Variants in CDKL3 observed in about 807,000 individuals in gnomAD.
The protein encoded by CDKL3 is cyclin-dependent kinase-like 3.
Under a neutral mutation model 69.3 loss-of-function variants are expected in CDKL3, and 65 were observed. The observed-to-expected ratio is 0.94, with a 90% CI of 0.77 to 1.15. CDKL3 has a LOEUF of 1.15. CDKL3 is among the 50% of genes most tolerant of loss of function. The pLI is 0.00. For synonymous variants in CDKL3, 202 were observed against 221.6 expected, an observed-to-expected ratio of 0.91 and a Z score of 0.79; for missense variants, 652 against 689.2, an observed-to-expected ratio of 0.95 and a Z score of 0.61.
In CDKL3 at chr5:134,366,497, T is replaced by A; in HGVS notation, c.27A>T (p.Lys9Asn). 1 of 1,607,038 alleles carries A rather than the reference T, an allele frequency of 6.2e-7. No homozygotes were observed. The highest frequency in any genetic ancestry group is 8.5e-7 in the Non-Finnish European group (1 of 1,176,838). MEMYETLG[K>N]VGEGSYGTVM... ...CTGTTCCGTAACTTCCCTCTCCCAC[T>A]TTTCCAAGGGTTTCATACATCTCCA... The change falls in exon 2 of 13, where the codon AAA (lysine) becomes AAT (asparagine). Residue 9 changes from lysine to asparagine, a missense_variant. Transcript: ENST00000265334.
chr5:134,283,486 C>T (rs975367090), downstream of CDKL3, among the ~76,000 whole-genome samples: 1 of 152,038 alleles, frequency 6.6e-6, no homozygotes, highest in Non-Finnish European at 1.5e-5. Flanking sequence ...AGGATAACGC[C>T]CCCTTGTAAT....
intron 4 of CDKL3, among the ~76,000 whole-genome samples, chr5:134,330,044 T>G (rs920940540): frequency 2.6e-5 from 4 of 151,324 alleles, no homozygotes; most frequent in African/African-American, 9.7e-5. Flanking sequence ...ATAATGATAC[T>G]CTAAGAAAAA....
At chr5:134,284,962 G>T (rs949962500), downstream of CDKL3, among the ~76,000 whole-genome samples, 8 of 152,158 alleles carry the variant, frequency 5.3e-5, no homozygotes, top group African/African-American at 1.4e-4. Flanking sequence ...AAGTCCCGAG[G>T]CGACATACAT....
At position 134,312,296 on chromosome 5, in the gene CDKL3, C is replaced by A; in HGVS notation, c.877G>T (p.Glu293Ter). ...ACATTCACTCAAAATGCTTACTTTTCAATAAATCCATCTCTAGTAAAATAC... is the reference window on the plus strand; with the variant it reads ...ACATTCACTCAAAATGCTTACTTTTAAATAAATCCATCTCTAGTAAAATAC... Reference protein sequence around the residue: ...HEYFTRDGFIEKFMPELKAKL... With the variant: ...HEYFTRDGFI The change falls in exon 7 of 13, where the codon GAA becomes TAA. Residue 293 changes from glutamate to a stop codon, truncating the protein, a stop_gained. Transcript: ENST00000265334. LOFTEE classifies it high-confidence loss of function. 6.4e-7 allele frequency: 1 copy of A among 1,566,068 alleles called. No individual in the cohort carries two copies. The highest frequency in any genetic ancestry group is 1.2e-5 in the South Asian group (1 of 84,752).
intron 6 of CDKL3, among the ~76,000 whole-genome samples, chr5:134,315,330 G>A (rs562098602): frequency 6.6e-6 from 1 of 152,070 alleles, no homozygotes; most frequent in African/African-American, 2.4e-5. Context: ...AATAGGTTAA[G>A]GATTATTTTT....
At chr5:134,295,750 A>G (rs1006303331), downstream of CDKL3, among the ~76,000 whole-genome samples, 1 of 152,114 alleles carries the variant, frequency 6.6e-6, no homozygotes, top group African/African-American at 2.4e-5. Flanking sequence ...CAGTTAATCC[A>G]ATTTTATTAT....
intron 6 of CDKL3, among the ~76,000 whole-genome samples, chr5:134,314,783 T>G (rs1439685930): frequency 3.3e-5 from 5 of 152,082 alleles, no homozygotes; most frequent in African/African-American, 9.7e-5. Flanking sequence ...AGCAAATCAG[T>G]GGTTATCTGG....
chr5:134,329,533 G>A (rs1775247410), intron 4 of CDKL3, among the ~76,000 whole-genome samples: 1 of 151,252 alleles, frequency 6.6e-6, no homozygotes, highest in African/African-American at 2.4e-5. Flanking sequence ...GAATGCAGTG[G>A]AGTGCAGCTC....
Position 134,366,410 on chromosome 5 carries a change from T to C in CDKL3, c.114A>G (p.Arg38=). The C allele has an allele frequency of 6.2e-7, 1 of 1,600,214 alleles. No homozygotes were observed. The highest frequency in any genetic ancestry group is 1.1e-5 in the South Asian group (1 of 88,146). The change falls in exon 2 of 13, where the codon AGA becomes AGG. Residue 38 remains arginine, a synonymous_variant. Transcript: ENST00000265334. ...CAATTTTGTTGACAGATTGTTCTGG[T>C]CTCTCATAAAATATCTTAATGGCCA... ...QIVAIKIFYE[R]PEQSVNKIAM...
chr5:134,333,017 G>T (rs958374055), intron 4 of CDKL3, among the ~76,000 whole-genome samples: 10 of 152,164 alleles, frequency 6.6e-5, no homozygotes, highest in Non-Finnish European at 2.9e-5. Flanking sequence ...CATATCCCTT[G>T]TAAGTTGGAT....
intron 4 of CDKL3, among the ~76,000 whole-genome samples, chr5:134,335,014 A>G (rs1776713730): frequency 6.6e-6 from 1 of 152,056 alleles, no homozygotes; most frequent in South Asian, 2.1e-4. Flanking sequence ...GGGTGCATAT[A>G]TATTTAGGAT....
chr5:134,311,920 G>A (rs941728081), intron 7 of CDKL3, among the ~76,000 whole-genome samples: 2 of 151,974 alleles, frequency 1.3e-5, no homozygotes, highest in African/African-American at 2.4e-5. Flanking sequence ...TGAGCCTCCC[G>A]AGTAGCTGGG....
intron 4 of CDKL3, among the ~76,000 whole-genome samples, chr5:134,334,044 T>A (rs200525837): frequency 1.3e-5 from 2 of 152,158 alleles, no homozygotes; most frequent in East Asian, 3.9e-4. Context: ...CTTGGGAGAG[T>A]GTATATGTCC....
At chr5:134,303,674 C>T (rs542068507) in intron 11 of CDKL3, among the ~76,000 whole-genome samples, 2 of 151,120 alleles carry the variant, frequency 1.3e-5, no homozygotes, top group African/African-American at 4.9e-5. Flanking sequence ...TGGAACCCCC[C>T]CCCCGTCTCT....
chr5:134,288,088 T>G (rs1381281500), intron 8 of CDKL3, among the ~76,000 whole-genome samples: 1 of 152,106 alleles, frequency 6.6e-6, no homozygotes, highest in African/African-American at 2.4e-5. Context: ...CAGATGGGGT[T>G]TCTCCATGTT....
chr5:134,353,622 G>A (rs1753838933), intron 3 of CDKL3, among the ~76,000 whole-genome samples: 1 of 150,852 alleles, frequency 6.6e-6, no homozygotes. Flanking sequence ...CGCAATCTCG[G>A]CTCACTGCAA....
At chr5:134,337,930 C>CA (rs1213672786) in intron 4 of CDKL3, among the ~76,000 whole-genome samples, 3 of 151,252 alleles carry the variant, frequency 2.0e-5, no homozygotes, top group African/African-American at 7.3e-5. Flanking sequence ...TATTTTGGTG[C>CA]AAAAAAAAGT....
At chr5:134,360,425 G>A (rs1201245313) in intron 2 of CDKL3, among the ~76,000 whole-genome samples, 1 of 151,674 alleles carries the variant, frequency 6.6e-6, no homozygotes, top group African/African-American at 2.4e-5. Flanking sequence ...GGCTGGTCTT[G>A]AACTCCTGAC....
intron 8 of CDKL3, among the ~76,000 whole-genome samples, chr5:134,286,953 G>A (rs778833935): frequency 6.6e-6 from 1 of 152,184 alleles, no homozygotes; most frequent in Non-Finnish European, 1.5e-5. Flanking sequence ...TCAGGTAAAT[G>A]TCTGTGGAAG....
Sources: allele counts gnomAD v4.1 joint callset (sites outside exome capture counted in the v4.1 genomes callset), GRCh38; gene constraint gnomAD v4.1.1; transcripts MANE v1.5; gene names NCBI Gene and HGNC (gene_info 2026-07-23, HGNC 2026-07-21).